Variants in LPIN2 observed in about 807,000 individuals in gnomAD.
LPIN2 encodes lipin 2.
LPIN2 carries 55 observed loss-of-function variants against 111.4 expected under a neutral mutation model. The observed-to-expected ratio is 0.49, with a 90% CI of 0.40 to 0.62. The LOEUF (loss-of-function observed/expected upper bound fraction) is 0.62, where lower values mean the gene tolerates loss of function less well. Among genes scored for constraint, LPIN2 ranks in the 20% least tolerant of loss-of-function variants. LPIN2 has a pLI of 0.00. For synonymous variants in LPIN2, 425 were observed against 414.0 expected, an observed-to-expected ratio of 1.03 and a Z score of -0.32; for missense variants, 992 against 1,112.1, an observed-to-expected ratio of 0.89 and a Z score of 1.54.
intron 3 of LPIN2, among the ~76,000 whole-genome samples, chr18:2,954,246 T>C (rs2077577846): frequency 1.3e-5 from 2 of 152,236 alleles, no homozygotes; most frequent in Admixed American, 1.3e-4. Flanking sequence ...TAGAAAGTGA[T>C]GTGCCTTCCC....
At chr18:2,988,040 A>C (rs1200605471) in intron 1 of LPIN2, among the ~76,000 whole-genome samples, 1 of 148,564 alleles carries the variant, frequency 6.7e-6, no homozygotes, top group Non-Finnish European at 1.5e-5. Context: ...AAAAAAAAAG[A>C]ATCATCATGA....
In LPIN2 at chr18:3,000,107, AGGAGGG is replaced by A. The variant is rs1355713112; in HGVS notation, c.-10+12974_-10+12979del. 7.4e-4 allele frequency among the ~76,000 whole-genome samples: 83 copies of A among 112,648 alleles called. No homozygotes were observed. The South Asian group carries it at 9.8e-3, about 13-fold the overall frequency. 73.9% of individuals were successfully genotyped at this position (112,648 alleles called of 152,430 possible). ...AAGGAGGAAGAGGGGAAAGAGGGGA[AGGAGGG>A]GAAGAAGGAGGAGGAGGAGGAGGAG... On this transcript the variant is annotated intron_variant, in intron 1 of 19. Transcript: ENST00000677752.
At chr18:2,976,102 T>C (rs958944793) in intron 1 of LPIN2, among the ~76,000 whole-genome samples, 1 of 152,254 alleles carries the variant, frequency 6.6e-6, no homozygotes, top group African/African-American at 2.4e-5. Flanking sequence ...TAAACTTTGC[T>C]CATCCCCCTT....
rs886053768 is a variant in LPIN2 at position 2,937,928 on chromosome 18, A to T, written c.932T>A (p.Val311Asp). 1 of 1,614,184 alleles carries T rather than the reference A, an allele frequency of 6.2e-7. No individual in the cohort carries two copies. The highest frequency in any genetic ancestry group is 2.2e-5 in the East Asian group (1 of 44,878). The part of the protein sequence containing the change: ...IPSEDNLISE[V>D]EKDASMEDTV... ...GTCTTCCATGGAAGCATCCTTCTCA[A>T]CTTCACTGATGAGGTTGTCCTCACT... Residue 311 changes from valine (V) to aspartate (D), a missense_variant, in exon 7 of 20, where the codon GTT becomes GAT. Physicochemically the swap from Val to Asp is radical, Grantham distance 152. Transcript: ENST00000677752.
rs2077090052 is a variant in LPIN2 at position 2,923,732 on chromosome 18, C to G, written c.2174+43G>C. 3 of 1,524,452 alleles carry G rather than the reference C, an allele frequency of 2.0e-6. No homozygotes were observed. The East Asian group carries it at 6.8e-5, about 34-fold the overall frequency. 94.4% of individuals were successfully genotyped at this position (1,524,452 alleles called of 1,614,324 possible). Reference sequence around the variant, plus strand: ...ATTGTTCTATAGTTCTTAAAGCAAGCTTCCAGCTCACCAGAGCGAGTTAAC... The same window carrying G: ...ATTGTTCTATAGTTCTTAAAGCAAGGTTCCAGCTCACCAGAGCGAGTTAAC... On this transcript the variant is annotated intron_variant, in intron 16 of 19. Coordinates refer to ENST00000677752, the MANE Select transcript of LPIN2 (RefSeq NM_001375808.2).
At chr18:2,920,558 T>G in intron 19 of LPIN2, 121 bp from the exon 20 acceptor site, 1 of 1,056,730 alleles carries the variant, frequency 9.5e-7, no homozygotes, top group Non-Finnish European at 1.5e-6. Context: ...GAGGCAGGCC[T>G]CAGTCCCATC....
chr18:2,928,488 A>C, intron 11 of LPIN2, 103 bp downstream of exon 11: 1 of 1,135,190 alleles, frequency 8.8e-7, no homozygotes, highest in Non-Finnish European at 1.3e-6. Context: ...CTCAAGTAAA[A>C]CTTTGAATAG....
chr18:2,921,039 A>T lies in LPIN2; in HGVS notation c.2443-158T>A, dbSNP rs555439208. ...GCCACCAAAACTGAGCTTTAGACAA[A>T]CCTAAACTACAGAGTGGTGCTTGGA... On this transcript the variant is annotated intron_variant, in intron 18 of 19. Transcript: ENST00000677752. The T allele has an allele frequency of 8.5e-5, 59 of 690,466 alleles. No homozygotes were observed. The African/African-American group carries it at 9.5e-4, about 11-fold the overall frequency. 42.8% of individuals were successfully genotyped at this position (690,466 alleles called of 1,614,324 possible).
chr18:2,946,792 ACT>A (rs1458213829), intron 4 of LPIN2: 40 of 464,738 alleles, frequency 8.6e-5, no homozygotes, highest in African/African-American at 8.0e-5. Flanking sequence ...AAGACCACTA[ACT>A]CTGTTAACAA....
chr18:3,002,271 A>G (rs1454063625), intron 1 of LPIN2, among the ~76,000 whole-genome samples: 1 of 151,294 alleles, frequency 6.6e-6, no homozygotes, highest in Non-Finnish European at 1.5e-5. Flanking sequence ...CACCATAACA[A>G]CATAGGTATA....
At chr18:3,009,058 G>A (rs549388076) in intron 1 of LPIN2, among the ~76,000 whole-genome samples, 15 of 151,900 alleles carry the variant, frequency 9.9e-5, no homozygotes, top group African/African-American at 2.7e-4. Context: ...CTTGACCCCA[G>A]GAGTCTGAGA....
chr18:2,979,353 T>A (rs1004756906), intron 1 of LPIN2, among the ~76,000 whole-genome samples: 1 of 152,138 alleles, frequency 6.6e-6, no homozygotes, highest in Non-Finnish European at 1.5e-5. Context: ...GGACCAAGTA[T>A]CCAGGCAAAC....
chr18:3,006,836 CAA>C (rs1164488272), intron 1 of LPIN2, among the ~76,000 whole-genome samples: 20 of 128,340 alleles, frequency 1.6e-4, no homozygotes, highest in Admixed American at 2.3e-4. Flanking sequence ...GACTCTGTCT[CAA>C]AAAAAAAAAA....
chr18:2,979,991 C>T (rs2078081471), intron 1 of LPIN2, among the ~76,000 whole-genome samples: 1 of 152,198 alleles, frequency 6.6e-6, no homozygotes, highest in Admixed American at 6.5e-5. Flanking sequence ...AAGGAACCAT[C>T]ACCCATTCAC....
chr18:2,934,603 G>A lies in LPIN2; in HGVS notation c.1169-153C>T, dbSNP rs1036381153. 2.6e-5 allele frequency among the ~76,000 whole-genome samples: 4 copies of A among 152,186 alleles called. No individual in the cohort carries two copies. In the South Asian group the frequency reaches 8.3e-4, roughly 32 times the overall value. The stretch of plus-strand genomic sequence containing the variant: ...GTCAACCAGCCTTTTTACTTAGGTT[G>A]GTTCCCAGCCATCCATGCCAATAGA... On this transcript the variant is annotated intron_variant, in intron 7 of 19. Transcript: ENST00000677752.
intron 1 of LPIN2, among the ~76,000 whole-genome samples, chr18:2,977,499 A>T (rs1477111740): frequency 6.6e-6 from 1 of 152,226 alleles, no homozygotes; most frequent in Non-Finnish European, 1.5e-5. Context: ...AATAAAAGGA[A>T]CCAGGGTTCC....
At chr18:2,991,523 C>T (rs539267706) in intron 1 of LPIN2, among the ~76,000 whole-genome samples, 3 of 151,940 alleles carry the variant, frequency 2.0e-5, no homozygotes, top group African/African-American at 7.3e-5. Flanking sequence ...CCAGTGTAGG[C>T]AACATAGTGA....
At chr18:2,920,917 A>G (rs748327883) in intron 18 of LPIN2, 36 bp from the exon 19 acceptor site, 1 of 1,305,568 alleles carries the variant, frequency 7.7e-7, no homozygotes. Context: ...GATTCCAGGG[A>G]GGAGAATTCA....
chr18:2,979,175 C>T (rs2276376), intron 1 of LPIN2: 37,006 of 152,084 alleles, frequency 0.24, 4,586 homozygotes, highest in South Asian at 0.29. Context: ...AGAGTTGTGT[C>T]CATCTCCTCT....
Sources: allele counts gnomAD v4.1 joint callset (sites outside exome capture counted in the v4.1 genomes callset), GRCh38; gene constraint gnomAD v4.1.1; transcripts MANE v1.5; gene names NCBI Gene and HGNC (gene_info 2026-07-23, HGNC 2026-07-21).